ZNFX1: variants seen among roughly 807,000 people sequenced by gnomAD.
The protein encoded by ZNFX1 is zinc finger NFX1-type containing 1, also known as NFX1-type zinc finger-containing protein 1.
A neutral mutation model predicts 179.8 loss-of-function variants in ZNFX1; 78 were observed. That is an observed-to-expected ratio of 0.43 (90% CI 0.36 to 0.52). The LOEUF (loss-of-function observed/expected upper bound fraction) is 0.52, where lower values mean the gene tolerates loss of function less well. Ranked by LOEUF, ZNFX1 falls within the 20% of genes least tolerant of loss-of-function variation. The pLI is 0.00. For synonymous variants in ZNFX1, 848 were observed against 868.5 expected (o/e 0.98, Z 0.42); for missense variants, 1,927 against 2,386.6 (o/e 0.81, Z 4.01).
At position 49,254,590 on chromosome 20, in the gene ZNFX1, T is replaced by C; in HGVS notation, c.2864A>G (p.Gln955Arg). Residue 955 changes from glutamine (Q) to arginine (R), a missense_variant, in exon 10 of 14, where the codon CAG becomes CGG. Coordinates refer to ENST00000396105, the MANE Select transcript of ZNFX1 (RefSeq NM_021035.3). The stretch of plus-strand genomic sequence containing the variant: ...CATTCTTTCTGCTGATGTGCGGTAC[T>C]GGCGTTCATAGCTGAGGATCTTCCG... ...TRRKILSYER[Q>R]YRTSAERMAE... The C allele has an allele frequency of 6.2e-7, 1 of 1,614,214 alleles. No homozygotes were observed. The highest frequency in any genetic ancestry group is 8.5e-7 in the Non-Finnish European group (1 of 1,180,036).
rs1446329605 is a variant in ZNFX1, at chr20:49,246,866, A to C, written c.*401T>G. On this transcript the variant is annotated 3_prime_UTR_variant, in exon 14 of 14. Coordinates refer to ENST00000396105, the MANE Select transcript of ZNFX1 (RefSeq NM_021035.3). The stretch of plus-strand genomic sequence containing the variant: ...CCTTAAGTAGGTGCTAAGACTAAAA[A>C]GAATGATTTTTTTTTTTTTGAGACA... 2 of 402,492 alleles carry C rather than the reference A, an allele frequency of 5.0e-6. No individual in the cohort carries two copies. The highest frequency in any genetic ancestry group is 1.6e-5 in the South Asian group (1 of 62,692). 24.9% of individuals were successfully genotyped at this position (402,492 alleles called of 1,614,324 possible). A position where few individuals can be genotyped will look rare whatever the true frequency, so the allele number is the denominator to read the frequency against.
At position 49,247,539 on chromosome 20, in the gene ZNFX1, C is replaced by T; in HGVS notation, c.5485G>A (p.Glu1829Lys). ...TLPCSGLGIS[E>K]EERVQIVSAI... Reference sequence around the variant, plus strand: ...CTGACAATCTGCACTCGCTCTTCCTCTGAGATGCCCAGGCCAGAGCAGGGA... The same window carrying T: ...CTGACAATCTGCACTCGCTCTTCCTTTGAGATGCCCAGGCCAGAGCAGGGA... Residue 1829 changes from glutamate (E) to lysine (K), a missense_variant, in exon 14 of 14, where the codon GAG becomes AAG. Transcript: ENST00000396105. The T allele has an allele frequency of 6.2e-7, 1 of 1,614,228 alleles. No homozygotes were observed. The highest frequency in any genetic ancestry group is 8.5e-7 in the Non-Finnish European group (1 of 1,180,038).
intron 1 of ZNFX1, among the ~76,000 whole-genome samples, chr20:49,276,292 C>T (rs181210846): frequency 7.5e-4 from 114 of 152,250 alleles, no homozygotes; most frequent in African/African-American, 2.3e-3. Flanking sequence ...TTTTGTTAAT[C>T]CAAAACCATG....
intron 6 of ZNFX1, among the ~76,000 whole-genome samples, chr20:49,261,660 T>G (rs1981114698): frequency 1.6e-5 from 1 of 64,486 alleles, no homozygotes; most frequent in South Asian, 4.7e-4. Context: ...TTTTTTTTTT[T>G]TTTTTGAGAC....
At chr20:49,258,858 C>G (rs1490048944) in intron 7 of ZNFX1, among the ~76,000 whole-genome samples, 1 of 151,456 alleles carries the variant, frequency 6.6e-6, no homozygotes, top group African/African-American at 2.4e-5. Context: ...AATCCCAGCA[C>G]TCTGGGAGGC....
At chr20:49,269,084 T>C (rs1177996123) in intron 3 of ZNFX1, among the ~76,000 whole-genome samples, 1 of 152,174 alleles carries the variant, frequency 6.6e-6, no homozygotes, top group Admixed American at 6.5e-5. Flanking sequence ...CTATTCACAA[T>C]AGCAAAGATA....
At chr20:49,252,076 G>A (rs1386117947) in intron 12 of ZNFX1, among the ~76,000 whole-genome samples, 4 of 151,816 alleles carry the variant, frequency 2.6e-5, no homozygotes, top group African/African-American at 7.3e-5. Flanking sequence ...CAAGGGATCC[G>A]CCCGCCTTGG....
At chr20:49,276,264 G>A (rs1000906742) in intron 1 of ZNFX1, among the ~76,000 whole-genome samples, 1 of 152,102 alleles carries the variant, frequency 6.6e-6, no homozygotes, top group African/African-American at 2.4e-5. Flanking sequence ...ATTGTTGCCA[G>A]GACAAAAAGG....
chr20:49,259,916 A>G (rs1981072359), intron 7 of ZNFX1, among the ~76,000 whole-genome samples: 1 of 152,230 alleles, frequency 6.6e-6, no homozygotes, highest in South Asian at 2.1e-4. Context: ...GTGGTTATGT[A>G]AATTTAAATA....
intron 3 of ZNFX1, among the ~76,000 whole-genome samples, chr20:49,268,216 T>C (rs1400722237): frequency 2.6e-5 from 4 of 152,158 alleles, no homozygotes; most frequent in Non-Finnish European, 5.9e-5. Context: ...TTTCACAAGG[T>C]TGTGAGGATG....
Position 49,248,064 on chromosome 20 carries a change from C to A in ZNFX1, c.4960G>T (p.Ala1654Ser), listed in dbSNP as rs766385640. The part of the protein sequence containing the change: ...EIIKEKIQGS[A>S]GEIATSQERL... ...TCCTGGCTGGTTGCTATTTCCCCTG[C>A]TGAGCCCTGGATCTTTTCCTTGATG... Residue 1654 changes from alanine to serine, a missense_variant, in exon 14 of 14, where the codon GCA becomes TCA. Coordinates refer to ENST00000396105, the MANE Select transcript of ZNFX1 (RefSeq NM_021035.3). The surrounding 1 kb of genome is among the most constrained non-coding windows in gnomAD (Gnocchi z 4.6). 1 of 1,614,108 alleles carries A rather than the reference C, an allele frequency of 6.2e-7. No individual in the cohort carries two copies. Among genetic ancestry groups the A allele is most frequent in the South Asian group, 1.1e-5 (1 of 91,094 alleles).
At chr20:49,260,666 G>T in intron 6 of ZNFX1, 89 bp from the exon 7 acceptor site, 2 of 931,918 alleles carry the variant, frequency 2.1e-6, no homozygotes, top group Non-Finnish European at 3.2e-6. Context: ...GCAGATTGGG[G>T]CATGGTAGCT....
intron 6 of ZNFX1, among the ~76,000 whole-genome samples, chr20:49,261,205 G>A (rs1048346093): frequency 6.6e-6 from 1 of 152,158 alleles, no homozygotes; most frequent in African/African-American, 2.4e-5. Context: ...CTGCCCTCCA[G>A]CCTGGGCTCA....
At chr20:49,258,916 C>T (rs1251368080) in intron 7 of ZNFX1, among the ~76,000 whole-genome samples, 1 of 152,012 alleles carries the variant, frequency 6.6e-6, no homozygotes, top group African/African-American at 2.4e-5. Context: ...CCAGCCTGGC[C>T]AACATGGGGA....
intron 7 of ZNFX1, among the ~76,000 whole-genome samples, chr20:49,258,365 G>A (rs1165981686): frequency 6.6e-6 from 1 of 152,074 alleles, no homozygotes; most frequent in African/African-American, 2.4e-5. Context: ...TGGGATTACA[G>A]GTGTGAGCCA....
At chr20:49,253,951 T>A in intron 10 of ZNFX1, 140 bp from the exon 11 acceptor site, 1 of 948,136 alleles carries the variant, frequency 1.1e-6, no homozygotes, top group Non-Finnish European at 1.6e-6. Flanking sequence ...TTCTGGGTGG[T>A]CTCCAGAACA....
At chr20:49,265,952 G>A (rs1600994020) in intron 4 of ZNFX1, among the ~76,000 whole-genome samples, 183 bp downstream of exon 4, 1 of 152,228 alleles carries the variant, frequency 6.6e-6, no homozygotes, top group Admixed American at 6.5e-5. Context: ...CTGGAGTTAG[G>A]GAGAACAAGG....
chr20:49,264,890 G>A (rs1487522889), intron 4 of ZNFX1, 26 bp from the exon 5 acceptor site: 2 of 1,614,138 alleles, frequency 1.2e-6, no homozygotes, highest in East Asian at 2.2e-5. Flanking sequence ...GAGCATGGCA[G>A]GGTTGAGAGG....
At chr20:49,261,515 T>C (rs1436169027) in intron 6 of ZNFX1, among the ~76,000 whole-genome samples, 7 of 151,980 alleles carry the variant, frequency 4.6e-5, no homozygotes, top group African/African-American at 1.7e-4. Context: ...GAACACATGG[T>C]CACATAGAGG....
Sources: allele counts gnomAD v4.1 joint callset (sites outside exome capture counted in the v4.1 genomes callset), GRCh38; gene constraint gnomAD v4.1.1; non-coding constraint Gnocchi (gnomAD v3.1); transcripts MANE v1.5; gene names NCBI Gene and HGNC (gene_info 2026-07-23, HGNC 2026-07-21).